The following COP1 variants were observed in gnomAD, a reference collection of about 807,000 sequenced individuals.
COP1 encodes the protein COP1 E3 ubiquitin ligase.
A neutral mutation model predicts 101.3 loss-of-function variants in COP1; 24 were observed. The observed-to-expected ratio is 0.24, with a 90% CI of 0.17 to 0.33. The LOEUF (loss-of-function observed/expected upper bound fraction) is 0.33, where lower values mean the gene tolerates loss of function less well. COP1 is among the 10% of genes least tolerant of loss of function. The pLI, the probability that COP1 is intolerant of heterozygous loss-of-function variation, is 1.00. For synonymous variants in COP1, 347 were observed against 341.9 expected (o/e 1.01, Z -0.17); for missense variants, 663 against 906.2 (o/e 0.73, Z 3.45).
chr1:176,028,412 A>G (rs917837895), intron 14 of COP1, among the ~76,000 whole-genome samples: 7 of 151,562 alleles, frequency 4.6e-5, no homozygotes, highest in African/African-American at 1.7e-4. Flanking sequence ...TAAAAATACA[A>G]AAGTTAGCTG....
chr1:175,986,817 C>T, intron 18 of COP1, 126 bp downstream of exon 18: 1 of 646,174 alleles, frequency 1.5e-6, no homozygotes, highest in South Asian at 2.8e-5. Context: ...TTTGGTGACA[C>T]ATTACAAAGT....
intron 18 of COP1, 53 bp from the exon 19 acceptor site, chr1:175,947,292 A>T (rs144654361): frequency 8.4e-7 from 1 of 1,186,544 alleles, no homozygotes; most frequent in South Asian, 1.2e-5. Flanking sequence ...CTGGAGAGCA[A>T]TCCAAGAGAT....
At chr1:175,965,160 T>C (rs1011504230) in intron 18 of COP1, among the ~76,000 whole-genome samples, 1 of 152,174 alleles carries the variant, frequency 6.6e-6, no homozygotes, top group Admixed American at 6.5e-5. Context: ...AAAACTAAAA[T>C]AGCTTCTCTC....
Position 176,184,691 on chromosome 1 carries a change from G to T in COP1, c.409C>A (p.Pro137Thr). 1 of 1,597,322 alleles carries T rather than the reference G, an allele frequency of 6.3e-7. No homozygotes were observed. Among genetic ancestry groups the T allele is most frequent in the Non-Finnish European group, 8.5e-7 (1 of 1,171,904 alleles). The change falls in exon 2 of 20, where the codon CCC becomes ACC. Residue 137 changes from proline (P) to threonine (T), a missense_variant and splice_region_variant. By Grantham distance (38) the Pro-to-Thr change is conservative. Transcript: ENST00000367669. ...YEDKSNDFVC[P>T]ICFDMIEEAY... Reference sequence around the variant, plus strand: ...TCTTCAATCATATCAAAGCAGATGGGGCTAAAAAGAAAAGAAAAATAATTG... The same window carrying T: ...TCTTCAATCATATCAAAGCAGATGGTGCTAAAAAGAAAAGAAAAATAATTG...
At chr1:176,155,662 G>T (rs681027) in intron 5 of COP1, among the ~76,000 whole-genome samples, 1 of 151,932 alleles carries the variant, frequency 6.6e-6, no homozygotes, top group Non-Finnish European at 1.5e-5. Flanking sequence ...TCCTCTTGTT[G>T]CATGAAACCC....
chr1:175,993,583 A>C (rs1659258514), intron 15 of COP1, among the ~76,000 whole-genome samples: 1 of 152,234 alleles, frequency 6.6e-6, no homozygotes, highest in Non-Finnish European at 1.5e-5. Context: ...AGGCTCGAGA[A>C]CTACGTGAAG....
intron 11 of COP1, among the ~76,000 whole-genome samples, chr1:176,071,135 G>A (rs1676929471): frequency 6.6e-6 from 1 of 152,188 alleles, no homozygotes; most frequent in African/African-American, 2.4e-5. Flanking sequence ...CTGAATCATG[G>A]AGATGAATCC....
At chr1:176,201,669 C>T (rs1476587723) in intron 1 of COP1, among the ~76,000 whole-genome samples, 1 of 152,186 alleles carries the variant, frequency 6.6e-6, no homozygotes, top group African/African-American at 2.4e-5. Context: ...GTTTCATGAT[C>T]ATCTATTTTC....
intron 1 of COP1, among the ~76,000 whole-genome samples, chr1:176,199,248 C>T (rs1189666491): frequency 6.6e-6 from 1 of 152,048 alleles, no homozygotes; most frequent in African/African-American, 2.4e-5. Context: ...ACCCAGGAGG[C>T]AGAGGTTGCA....
rs748947259 is a variant in COP1 at position 176,043,273 on chromosome 1, A to G, written c.1531-6T>C. Reference sequence around the variant, plus strand: ...CAACACCTCTTCTCATGCTCCTGGAAGCAGAAAGAAGACAGTAGCCTCAGA... The same window carrying G: ...CAACACCTCTTCTCATGCTCCTGGAGGCAGAAAGAAGACAGTAGCCTCAGA... On this transcript the variant is annotated splice_polypyrimidine_tract_variant and splice_region_variant and intron_variant, in intron 13 of 19. Transcript: ENST00000367669. 5 of 1,583,624 alleles carry G rather than the reference A, an allele frequency of 3.2e-6. No homozygotes were observed. Among genetic ancestry groups the G allele is most frequent in the Non-Finnish European group, 4.3e-6 (5 of 1,152,746 alleles).
chr1:176,115,519 G>T (rs540077840), intron 9 of COP1, among the ~76,000 whole-genome samples: 1 of 152,044 alleles, frequency 6.6e-6, no homozygotes, highest in African/African-American at 2.4e-5. Context: ...GAGGTCAAGG[G>T]GGGAGGATCA....
In COP1 at chr1:176,199,416, C is replaced by A. The variant is rs113026512; in HGVS notation, c.407+7156G>T. Among the ~76,000 whole-genome samples the A allele has an allele frequency of 4.8e-3, 737 of 152,240 alleles. 5 individuals carry two copies. Among genetic ancestry groups the A allele is most frequent in the Non-Finnish European group, 6.1e-3 (414 of 68,024 alleles). ...AACATACACTTGGCAGAGAACTCAG[C>A]AATTCACTACTAGATATTTTTACCC... On this transcript the variant is annotated intron_variant, in intron 1 of 19. Transcript: ENST00000367669.
chr1:175,988,710 G>A, intron 16 of COP1: 1 of 205,940 alleles, frequency 4.9e-6, no homozygotes, highest in Non-Finnish European at 9.9e-6. Context: ...GCACGTGCCT[G>A]TAGTCCCAGC....
intron 6 of COP1, among the ~76,000 whole-genome samples, chr1:176,147,812 G>A (rs1192380290): frequency 6.6e-6 from 1 of 152,178 alleles, no homozygotes; most frequent in Non-Finnish European, 1.5e-5. Flanking sequence ...TGTTGGAAAG[G>A]AATTCTCCAT....
intron 8 of COP1, among the ~76,000 whole-genome samples, chr1:176,129,780 T>C (rs1019390995): frequency 2.0e-5 from 3 of 148,866 alleles, no homozygotes; most frequent in Admixed American, 1.4e-4. Flanking sequence ...ATGAGATAAC[T>C]ATTTCTAAGA....
At chr1:175,945,484 C>A (rs1649053317) in intron 19 of COP1, among the ~76,000 whole-genome samples, 1 of 152,212 alleles carries the variant, frequency 6.6e-6, no homozygotes, top group Non-Finnish European at 1.5e-5. Flanking sequence ...ATGTTGGAAT[C>A]TTTCCACATT....
chr1:176,181,617 C>T (rs1034199437), intron 2 of COP1, among the ~76,000 whole-genome samples: 1 of 151,900 alleles, frequency 6.6e-6, no homozygotes, highest in East Asian at 1.9e-4. Context: ...CCGAGGCGGG[C>T]GGATCACAAG....
intron 9 of COP1, among the ~76,000 whole-genome samples, chr1:176,109,277 T>C (rs1298704148): frequency 3.9e-5 from 6 of 152,276 alleles, no homozygotes; most frequent in African/African-American, 1.4e-4. Flanking sequence ...TATAGTTCTA[T>C]TGCTGTTTAA....
intron 15 of COP1, among the ~76,000 whole-genome samples, chr1:176,005,475 T>C (rs1662911531): frequency 6.6e-6 from 1 of 152,174 alleles, no homozygotes; most frequent in African/African-American, 2.4e-5. Flanking sequence ...TCCTGCTTTC[T>C]CTTGTGGGCA....
Sources: allele counts gnomAD v4.1 joint callset (sites outside exome capture counted in the v4.1 genomes callset), GRCh38; gene constraint gnomAD v4.1.1; transcripts MANE v1.5; gene names NCBI Gene and HGNC (gene_info 2026-07-23, HGNC 2026-07-21).